EDNRB: variants seen among roughly 807,000 people sequenced by gnomAD.
EDNRB encodes the protein Hirschsprung disease 2.
EDNRB carries 18 observed loss-of-function variants against 46.4 expected under a neutral mutation model. The observed-to-expected ratio is 0.39, with a 90% CI of 0.27 to 0.57. The LOEUF (loss-of-function observed/expected upper bound fraction) is 0.57, where lower values mean the gene tolerates loss of function less well. EDNRB is among the 20% of genes least tolerant of loss of function. EDNRB has a pLI of 0.61. For missense variants in EDNRB, 434 were observed against 537.5 expected, an observed-to-expected ratio of 0.81 and a Z score of 1.90; for synonymous variants, 213 against 204.9, an observed-to-expected ratio of 1.04 and a Z score of -0.34.
Position 77,897,981 on chromosome 13 carries a change from G to A in EDNRB, c.*219C>T. ...ACTGTAAAAAATTAAGTGCTTTCAC[G>A]ACGAGGCTTTCTTAATTCCCACTGA... On this transcript the variant is annotated 3_prime_UTR_variant, in exon 7 of 7. Transcript: ENST00000646607. The A allele has an allele frequency of 1.4e-5, 19 of 1,337,584 alleles. No individual in the cohort carries two copies. The highest frequency in any genetic ancestry group is 1.8e-5 in the Non-Finnish European group (19 of 1,041,698). The allele number at this position is 1,337,584 out of a possible 1,614,324, so 82.9% of individuals were successfully genotyped here.
intron 1 of EDNRB, among the ~76,000 whole-genome samples, chr13:77,955,220 T>C (rs975435062): frequency 6.6e-6 from 1 of 152,240 alleles, no homozygotes; most frequent in Non-Finnish European, 1.5e-5. Flanking sequence ...ATTTCCCTAA[T>C]GATTAGTGAG....
At chr13:77,907,951 TAGTC>T (rs979958670) in intron 1 of EDNRB, among the ~76,000 whole-genome samples, 1 of 136,796 alleles carries the variant, frequency 7.3e-6, no homozygotes, top group African/African-American at 2.8e-5. Flanking sequence ...AACAGAGAGA[TAGTC>T]AGACACGTAA....
chr13:77,899,981 A>G lies in EDNRB; in HGVS notation c.1086-14T>C, dbSNP rs1878852791. The G allele has an allele frequency of 6.2e-7, 1 of 1,603,092 alleles. No homozygotes were observed. The highest frequency in any genetic ancestry group is 8.5e-7 in the Non-Finnish European group (1 of 1,171,364). On this transcript the variant is annotated splice_polypyrimidine_tract_variant and intron_variant, in intron 5 of 6. Coordinates refer to ENST00000646607, the MANE Select transcript of EDNRB (RefSeq NM_001122659.3). ...ACCAACAGAAAGCTGCAACAAAATAACCCAAAATGTGTCTGAAAAATATGC... is the reference window on the plus strand; with the variant it reads ...ACCAACAGAAAGCTGCAACAAAATAGCCCAAAATGTGTCTGAAAAATATGC...
At chr13:77,956,897 G>A (rs2137680023) in intron 1 of EDNRB, among the ~76,000 whole-genome samples, 1 of 152,182 alleles carries the variant, frequency 6.6e-6, no homozygotes, top group East Asian at 1.9e-4. Flanking sequence ...AATTAGATGG[G>A]GCCTATCCAG....
chr13:77,932,956 A>G (rs1386778023), intron 1 of EDNRB, among the ~76,000 whole-genome samples: 5 of 152,244 alleles, frequency 3.3e-5, no homozygotes, highest in African/African-American at 1.2e-4. Flanking sequence ...TAAAGAACAC[A>G]TAACATTAAA....
At chr13:77,934,160 G>A (rs1419726084) in intron 1 of EDNRB, among the ~76,000 whole-genome samples, 1 of 152,174 alleles carries the variant, frequency 6.6e-6, no homozygotes, top group Non-Finnish European at 1.5e-5. Context: ...GTTGAGAACG[G>A]TCAATAGGAG....
intron 3 of EDNRB, among the ~76,000 whole-genome samples, chr13:77,902,836 A>G (rs142661196): frequency 8.6e-5 from 13 of 152,044 alleles, no homozygotes; most frequent in South Asian, 2.1e-4. Context: ...CCTGAGTGCT[A>G]TTTTCACTTT....
In EDNRB at chr13:77,895,847, G is replaced by A. The variant is rs1332391173; in HGVS notation, c.*2353C>T. ...ATATGTAAGCTATCAATACTAAAAG[G>A]TGTTTGAACATACATCCACATTAGC... On this transcript the variant is annotated 3_prime_UTR_variant, in exon 7 of 7. Coordinates refer to ENST00000646607, the MANE Select transcript of EDNRB (RefSeq NM_001122659.3). 6.6e-6 allele frequency: 1 copy of A among 152,130 alleles called. No individual in the cohort carries two copies. Among genetic ancestry groups the A allele is most frequent in the Admixed American group, 6.6e-5 (1 of 15,236 alleles). The allele number at this position is 152,130 out of a possible 1,614,324, so 9.4% of individuals were successfully genotyped here. A position where few individuals can be genotyped will look rare whatever the true frequency, so the allele number is the denominator to read the frequency against.
chr13:77,972,075 A>G (rs78891358), intron 1 of EDNRB, among the ~76,000 whole-genome samples: 40,904 of 152,098 alleles, frequency 0.27, 6,698 homozygotes, highest in East Asian at 0.56. Flanking sequence ...AGTGAACTTA[A>G]TGTTGGGAAG....
intron 1 of EDNRB, among the ~76,000 whole-genome samples, chr13:77,964,456 C>T (rs569527612): frequency 4.3e-4 from 65 of 152,188 alleles, no homozygotes; most frequent in Admixed American, 1.4e-3. Flanking sequence ...CCATAAAAAA[C>T]GATAAGTTCA....
upstream of EDNRB, among the ~76,000 whole-genome samples, chr13:77,920,517 T>A (rs572878088): frequency 2.0e-5 from 3 of 152,346 alleles, no homozygotes; most frequent in South Asian, 6.2e-4. Context: ...TGCTTCATGT[T>A]AGTTAATGGA....
At chr13:77,957,263 A>T (rs548865220) in intron 1 of EDNRB, among the ~76,000 whole-genome samples, 3 of 152,238 alleles carry the variant, frequency 2.0e-5, no homozygotes, top group Non-Finnish European at 4.4e-5. Context: ...GAACCAAAAA[A>T]GTTAATGTAT....
Position 77,897,126 on chromosome 13 carries a change from C to A in EDNRB, c.*1074G>T. 1 of 985,682 alleles carries A rather than the reference C, an allele frequency of 1.0e-6. No individual in the cohort carries two copies. Among genetic ancestry groups the A allele is most frequent in the African/African-American group, 1.7e-5 (1 of 57,280 alleles). The allele number at this position is 985,682 out of a possible 1,614,324, so 61.1% of individuals were successfully genotyped here. A position where few individuals can be genotyped will look rare whatever the true frequency, so the allele number is the denominator to read the frequency against. On this transcript the variant is annotated 3_prime_UTR_variant, in exon 7 of 7. Transcript: ENST00000646607. ...ATGGGTGAGAGAGGGTGCTACCTGCCCCTTTGTCATGTGGACACTGCACCA... is the reference window on the plus strand; with the variant it reads ...ATGGGTGAGAGAGGGTGCTACCTGCACCTTTGTCATGTGGACACTGCACCA...
intron 1 of EDNRB, among the ~76,000 whole-genome samples, chr13:77,959,739 C>T (rs182457754): frequency 4.5e-4 from 68 of 152,202 alleles, no homozygotes; most frequent in Admixed American, 2.0e-3. Flanking sequence ...CAAACTTCTC[C>T]GAGCTAAAGG....
chr13:77,918,637 A>G lies in EDNRB; in HGVS notation c.-64T>C, dbSNP rs200938156. The G allele has an allele frequency of 7.0e-5, 106 of 1,520,616 alleles. No homozygotes were observed. Among genetic ancestry groups the G allele is most frequent in the Non-Finnish European group, 8.7e-5 (100 of 1,148,040 alleles). The allele number at this position is 1,520,616 out of a possible 1,614,324, so 94.2% of individuals were successfully genotyped here. ...GCAGTTTCAGAGCCTAGAGACAAGC[A>G]GAGGAAGGAAGACAGGACACTTGGG... On this transcript the variant is annotated 5_prime_UTR_variant, in exon 1 of 7. Transcript: ENST00000646607. This position sits in a 1 kb window ranked among gnomAD's most constrained non-coding sequence, Gnocchi z 4.5.
intron 1 of EDNRB, among the ~76,000 whole-genome samples, chr13:77,949,294 A>C (rs1881021211): frequency 6.6e-6 from 1 of 152,204 alleles, no homozygotes; most frequent in Admixed American, 6.5e-5. Context: ...CTTTCTGGAC[A>C]GCCCTTGTTA....
chr13:77,911,777 C>T lies in EDNRB; in HGVS notation c.483+6314G>A, dbSNP rs990722441. On this transcript the variant is annotated intron_variant, in intron 1 of 6. Coordinates refer to ENST00000646607, the MANE Select transcript of EDNRB (RefSeq NM_001122659.3). ...GATAAATAACTCTCTAAAATAAAAG[C>T]CTTGGAAATAATAAAAAGTCTAAAA... Among the ~76,000 whole-genome samples the T allele has an allele frequency of 3.9e-5, 6 of 152,000 alleles. No individual in the cohort carries two copies. In the South Asian group the frequency reaches 8.3e-4, roughly 21 times the overall value.
intron 1 of EDNRB, among the ~76,000 whole-genome samples, chr13:77,962,286 C>G (rs769905024): frequency 6.6e-6 from 1 of 152,038 alleles, no homozygotes; most frequent in African/African-American, 2.4e-5. Flanking sequence ...TTTATAAGGC[C>G]AGCATCATCC....
intron 1 of EDNRB, among the ~76,000 whole-genome samples, chr13:77,915,656 A>C (rs1391282320): frequency 6.6e-6 from 1 of 152,218 alleles, no homozygotes; most frequent in African/African-American, 2.4e-5. Flanking sequence ...GAAATAAACC[A>C]AGTGCCTAGT....
Sources: allele counts gnomAD v4.1 joint callset (sites outside exome capture counted in the v4.1 genomes callset), GRCh38; gene constraint gnomAD v4.1.1; non-coding constraint Gnocchi (gnomAD v3.1); transcripts MANE v1.5; gene names NCBI Gene and HGNC (gene_info 2026-07-23, HGNC 2026-07-21).